DIDO1: variants seen among roughly 807,000 people sequenced by gnomAD.
The protein encoded by DIDO1 is death-inducer obliterator 1.
DIDO1 carries 16 observed loss-of-function variants against 99.4 expected under a neutral mutation model. The ratio of observed to expected loss-of-function variants is 0.16; its 90% CI spans 0.11 to 0.24. DIDO1 has a LOEUF of 0.24. DIDO1 is among the 10% of genes least tolerant of loss of function. The probability of loss-of-function intolerance (pLI) is 1.00; values close to 1 mark genes in which losing one functional copy is unlikely to be tolerated. For missense variants in DIDO1, 2,996 were observed against 3,014.0 expected (o/e 0.99, Z 0.14); for synonymous variants, 1,366 against 1,239.1 (o/e 1.10, Z -2.15).
chr20:62,880,626 G>C lies in DIDO1; in HGVS notation c.5330C>G (p.Pro1777Arg). 1 of 1,612,900 alleles carries C rather than the reference G, an allele frequency of 6.2e-7. No homozygotes were observed. Among genetic ancestry groups the C allele is most frequent in the African/African-American group, 1.3e-5 (1 of 75,068 alleles). ...HGPNFPGPRG[P>R]APPFPEENIA... Reference sequence around the variant, plus strand: ...ATTCTCTTCTGGAAACGGAGGGGCTGGCCCCCTTGGTCCCGGGAAATTGGG... The same window carrying C: ...ATTCTCTTCTGGAAACGGAGGGGCTCGCCCCCTTGGTCCCGGGAAATTGGG... The change falls in exon 16 of 16, where the codon CCA becomes CGA. Residue 1777 changes from proline (P) to arginine (R), a missense_variant. Pro to Arg is a moderately radical substitution (Grantham distance 103). Coordinates refer to ENST00000395343, the MANE Select transcript of DIDO1 (RefSeq NM_001193369.2).
chr20:62,890,164 A>G (rs79346852), intron 15 of DIDO1: 23,989 of 985,904 alleles, frequency 0.024, 459 homozygotes, highest in African/African-American at 0.095. Flanking sequence ...GAAGCACTTC[A>G]GAGGACACTG....
Position 62,893,971 on chromosome 20 carries a change from A to C in DIDO1, c.2796T>G (p.Pro932=), listed in dbSNP as rs1265710450. The C allele has an allele frequency of 9.3e-6, 15 of 1,613,118 alleles. No homozygotes were observed. The highest frequency in any genetic ancestry group is 1.7e-4 in the Middle Eastern group (1 of 6,060). The change falls in exon 12 of 16, where the codon CCT becomes CCG. Residue 932 remains proline, a synonymous_variant. Coordinates refer to ENST00000395343, the MANE Select transcript of DIDO1 (RefSeq NM_001193369.2). ...PNVDRTYFPG[P]PGDGHPEPSP... ...AGGGCTCGGGATGGCCATCTCCTGG[A>C]GGCCCAGGGAAATACGTTCTGTCCA...
intron 15 of DIDO1, chr20:62,889,063 G>C: frequency 2.0e-6 from 2 of 985,516 alleles, no homozygotes; most frequent in African/African-American, 1.7e-5. Flanking sequence ...GCCTCAGCAA[G>C]TGCCTTGGTG....
At chr20:62,902,480 A>G (rs1173231846) in intron 6 of DIDO1, among the ~76,000 whole-genome samples, 1 of 152,188 alleles carries the variant, frequency 6.6e-6, no homozygotes, top group Non-Finnish European at 1.5e-5. Context: ...ATAAAAAAAG[A>G]GCTCACGCGA....
At position 62,922,109 on chromosome 20, in the gene DIDO1, TAC is replaced by T. The variant is rs58178322; in HGVS notation, c.-200+4328_-200+4329del. On this transcript the variant is annotated intron_variant, in intron 1 of 15. Transcript: ENST00000395343. ...ACACTATATATACACACTATATATATACACACACACACACACATATATACATA... is the reference window on the plus strand; with the variant it reads ...ACACTATATATACACACTATATATATACACACACACACACATATATACATA... Among the ~76,000 whole-genome samples, 1,013 of 110,578 alleles carry T rather than the reference TAC, an allele frequency of 9.2e-3. 13 individuals are homozygous for T. The highest frequency in any genetic ancestry group is 0.05 in the East Asian group (173 of 3,426). The allele number at this position is 110,578 out of a possible 152,430, so 72.5% of individuals were successfully genotyped here. A position where few individuals can be genotyped will look rare whatever the true frequency, so the allele number is the denominator to read the frequency against.
At position 62,906,004 on chromosome 20, in the gene DIDO1, C is replaced by G; in HGVS notation, c.1471G>C (p.Ala491Pro). ...KAVVVPARSE[A>P]LGKEAACESS... The stretch of plus-strand genomic sequence containing the variant: ...TCACAAGCTGCTTCCTTCCCGAGTG[C>G]TTCACTCCGCGCAGGGACCACCACT... Residue 491 changes from alanine to proline, a missense_variant, in exon 6 of 16, where the codon GCA (alanine) becomes CCA (proline). Ala to Pro is a conservative substitution (Grantham distance 27). Transcript: ENST00000395343. 1 of 1,614,022 alleles carries G rather than the reference C, an allele frequency of 6.2e-7. No individual in the cohort carries two copies. The highest frequency in any genetic ancestry group is 8.5e-7 in the Non-Finnish European group (1 of 1,180,032).
At chr20:62,906,197 C>T in intron 5 of DIDO1, 97 bp from the exon 6 acceptor site, 10 of 1,452,598 alleles carry the variant, frequency 6.9e-6, no homozygotes, top group Non-Finnish European at 9.2e-6. Context: ...CAATGTCTTC[C>T]TGAGGCCATC....
rs183518369 is a variant in DIDO1, at chr20:62,896,614, C to A, written c.1971G>T (p.Gly657=). Residue 657 remains glycine, a synonymous_variant, in exon 7 of 16, where the codon GGG becomes GGT. Transcript: ENST00000395343. This position sits in a 1 kb window ranked among gnomAD's most constrained non-coding sequence, Gnocchi z 4.4. ...PMASPAPGRL[G]AMSAAPSQPN... is the part of the protein sequence containing the mutation. The stretch of plus-strand genomic sequence containing the variant: ...GCTGCGATGGTGCAGCACTCATAGC[C>A]CCAAGGCGTCCTGGGGCTGGCGAGG... 7.6e-5 allele frequency: 122 copies of A among 1,613,694 alleles called. 1 individual carries two copies. In the East Asian group the frequency reaches 1.3e-3, roughly 18 times the overall value.
intron 14 of DIDO1, 57 bp downstream of exon 14, chr20:62,891,930 T>C (rs2064407471): frequency 7.0e-7 from 1 of 1,432,782 alleles, no homozygotes; most frequent in Admixed American, 2.0e-5. Flanking sequence ...TAAAAAAAGA[T>C]GTGTTTAAAT....
At position 62,919,471 on chromosome 20, in the gene DIDO1, C is replaced by T. The variant is rs187902332; in HGVS notation, c.-199-5065G>A. On this transcript the variant is annotated intron_variant, in intron 1 of 15. Transcript: ENST00000395343. Reference sequence around the variant, plus strand: ...AGGAGAATCACTTAAACCCGGGAAGCGGAGGTTGCAGTGAGCTGAGATCGT... The same window carrying T: ...AGGAGAATCACTTAAACCCGGGAAGTGGAGGTTGCAGTGAGCTGAGATCGT... 2.0e-5 allele frequency among the ~76,000 whole-genome samples: 3 copies of T among 151,604 alleles called. No homozygotes were observed. In the East Asian group the frequency reaches 5.8e-4, roughly 29 times the overall value.
At chr20:62,897,755 C>T (rs2064569419) in intron 6 of DIDO1, among the ~76,000 whole-genome samples, 1 of 152,238 alleles carries the variant, frequency 6.6e-6, no homozygotes, top group Non-Finnish European at 1.5e-5. Flanking sequence ...GAATCAATCA[C>T]CTTATAACCC....
At chr20:62,882,529 T>G in intron 15 of DIDO1, 115 bp from the exon 16 acceptor site, 1 of 1,028,976 alleles carries the variant, frequency 9.7e-7, no homozygotes, top group Non-Finnish European at 1.4e-6. Flanking sequence ...AAATAAGCCA[T>G]TCTGTGGCAA....
chr20:62,885,918 G>A (rs919758629), intron 15 of DIDO1, among the ~76,000 whole-genome samples: 1 of 152,244 alleles, frequency 6.6e-6, no homozygotes, highest in Non-Finnish European at 1.5e-5. Flanking sequence ...AAGGTCGAAA[G>A]GTCACAGAGC....
Position 62,894,836 on chromosome 20 carries a change from C to A in DIDO1, c.2410G>T (p.Asp804Tyr). 6.2e-7 allele frequency: 1 copy of A among 1,614,094 alleles called. No individual in the cohort carries two copies. Residue 804 changes from aspartate to tyrosine, a missense_variant, in exon 10 of 16, where the codon GAC becomes TAC. Physicochemically the swap from Asp to Tyr is radical, Grantham distance 160. This residue lies in a region of DIDO1 where 898 missense variants were observed against 972.7 expected (regional missense o/e 0.92). Transcript: ENST00000395343. This position sits in a 1 kb window ranked among gnomAD's most constrained non-coding sequence, Gnocchi z 4.4. ...TCTGAATCCGACACTGGCGGAGAGTCCTCCAGATCGGGGATGGCCTCCTGC... is the reference window on the plus strand; with the variant it reads ...TCTGAATCCGACACTGGCGGAGAGTACTCCAGATCGGGGATGGCCTCCTGC... ...PRQEAIPDLE[D>Y]SPPVSDSEEQ...
In DIDO1 at chr20:62,894,123, C is replaced by T. The variant is rs755770885; in HGVS notation, c.2644G>A (p.Asp882Asn). 8.7e-6 allele frequency: 14 copies of T among 1,614,194 alleles called. No individual in the cohort carries two copies. Among genetic ancestry groups the T allele is most frequent in the Admixed American group, 3.3e-5 (2 of 60,028 alleles). ...QKLSASVKKE[D>N]LKSKHDSSAP... is the part of the protein sequence containing the mutation. Reference sequence around the variant, plus strand: ...GAGCTGTCATGCTTTGATTTTAAGTCTTCTTTCTTAACAGAAGCTGACAAT... The same window carrying T: ...GAGCTGTCATGCTTTGATTTTAAGTTTTCTTTCTTAACAGAAGCTGACAAT... Residue 882 changes from aspartate to asparagine, a missense_variant, in exon 12 of 16, where the codon GAC becomes AAC. Asp to Asn is a conservative substitution (Grantham distance 23). Transcript: ENST00000395343. This position sits in a 1 kb window ranked among gnomAD's most constrained non-coding sequence, Gnocchi z 4.4.
At chr20:62,905,637 T>G (rs1425984387) in intron 6 of DIDO1, 4 of 1,561,182 alleles carry the variant, frequency 2.6e-6, no homozygotes, top group Middle Eastern at 1.7e-4. Flanking sequence ...AATCAATCAT[T>G]AAGGTGAACG....
chr20:62,931,821 G>A (rs2065334982), intron 1 of DIDO1, among the ~76,000 whole-genome samples: 1 of 152,182 alleles, frequency 6.6e-6, no homozygotes, highest in African/African-American at 2.4e-5. Context: ...TACAATTAAA[G>A]ATTTTTTTCT....
intron 15 of DIDO1, chr20:62,889,376 C>T: frequency 1.0e-6 from 1 of 985,376 alleles, no homozygotes; most frequent in South Asian, 4.7e-5. Flanking sequence ...TACAACCGTG[C>T]TCACCTGACA....
At chr20:62,887,545 T>C in intron 15 of DIDO1, 1 of 985,454 alleles carries the variant, frequency 1.0e-6, no homozygotes, top group African/African-American at 1.7e-5. Context: ...GAGAACAGAC[T>C]GTGCACCCAT....
Sources: gnomAD v4.1 joint callset for allele counts (sites outside exome capture counted in the v4.1 genomes callset) on GRCh38, gnomAD v4.1.1 for gene constraint, gnomAD v4.1.1 regional missense constraint, Gnocchi (gnomAD v3.1) non-coding constraint, MANE v1.5 for transcripts, NCBI Gene and HGNC (gene_info 2026-07-23, HGNC 2026-07-21) for gene names.